Variants in EMP2 observed in about 807,000 individuals in gnomAD.
The protein encoded by EMP2 is epithelial membrane protein 2.
In EMP2, 19 loss-of-function variants were observed where a neutral mutation model predicts 13.7. That is an observed-to-expected ratio of 1.38 (90% CI 0.97 to 2.03). The LOEUF (loss-of-function observed/expected upper bound fraction) is 2.03. Among genes scored for constraint, EMP2 ranks in the 30% most tolerant of loss-of-function variants. EMP2 has a pLI of 0.00. For synonymous variants in EMP2, 97 were observed against 84.7 expected, an observed-to-expected ratio of 1.15 and a Z score of -0.80; for missense variants, 253 against 220.7, an observed-to-expected ratio of 1.15 and a Z score of -0.93.
chr16:10,577,086 A>G (rs1411390263), intron 1 of EMP2, among the ~76,000 whole-genome samples: 1 of 152,114 alleles, frequency 6.6e-6, no homozygotes, highest in Non-Finnish European at 1.5e-5. Flanking sequence ...AACTCCCCTC[A>G]GCTGTGGCCT....
chr16:10,533,598 C>T (rs1486135911), intron 4 of EMP2, among the ~76,000 whole-genome samples: 1 of 152,158 alleles, frequency 6.6e-6, no homozygotes, highest in African/African-American at 2.4e-5. Flanking sequence ...TCACACAAGT[C>T]TGCCACAGTA....
At chr16:10,536,764 G>A (rs2050650067) in intron 4 of EMP2, among the ~76,000 whole-genome samples, 1 of 152,146 alleles carries the variant, frequency 6.6e-6, no homozygotes, top group African/African-American at 2.4e-5. Context: ...GGGACTACAG[G>A]TGTGCTCTGC....
chr16:10,551,687 G>A (rs533936377), intron 1 of EMP2, among the ~76,000 whole-genome samples: 3 of 152,276 alleles, frequency 2.0e-5, no homozygotes, highest in East Asian at 3.9e-4. Context: ...GATTACAGAC[G>A]TGAGCCACCA....
chr16:10,561,470 A>G (rs966068439), intron 1 of EMP2, among the ~76,000 whole-genome samples: 1 of 152,126 alleles, frequency 6.6e-6, no homozygotes, highest in African/African-American at 2.4e-5. Context: ...AGGCCAGGGA[A>G]GGAGACGGAG....
At chr16:10,575,893 T>G (rs1035637639) in intron 1 of EMP2, among the ~76,000 whole-genome samples, 6 of 151,902 alleles carry the variant, frequency 3.9e-5, no homozygotes, top group Non-Finnish European at 7.4e-5. Context: ...AGGGGCCTCT[T>G]TGCAAAAGAA....
At chr16:10,560,605 G>C (rs2050864166) in intron 1 of EMP2, among the ~76,000 whole-genome samples, 1 of 152,196 alleles carries the variant, frequency 6.6e-6, no homozygotes, top group Non-Finnish European at 1.5e-5. Flanking sequence ...GTGTGCCCTG[G>C]GGCTGCCGGG....
intron 4 of EMP2, among the ~76,000 whole-genome samples, chr16:10,537,128 C>G (rs986338355): frequency 2.6e-5 from 4 of 152,174 alleles, no homozygotes; most frequent in Non-Finnish European, 5.9e-5. Context: ...TCAAGCCACT[C>G]GTCAACTCCT....
chr16:10,547,672 G>C lies in EMP2; in HGVS notation c.-55C>G, dbSNP rs752684541. 1.5e-4 allele frequency: 242 copies of C among 1,570,652 alleles called. No homozygotes were observed. The highest frequency in any genetic ancestry group is 2.1e-4 in the Non-Finnish European group (237 of 1,142,412). On this transcript the variant is annotated 5_prime_UTR_variant, in exon 2 of 5. The change creates a new upstream start codon in the 5' untranslated region. Transcript: ENST00000359543. ...GGGTCACGTTTAAAGCCCAGAGCGGGATGTGCTGAAGAGGGTAAGAAAGAG... is the reference window on the plus strand; with the variant it reads ...GGGTCACGTTTAAAGCCCAGAGCGGCATGTGCTGAAGAGGGTAAGAAAGAG...
chr16:10,563,202 A>C (rs59390415), intron 1 of EMP2, among the ~76,000 whole-genome samples: 1 of 151,614 alleles, frequency 6.6e-6, no homozygotes, highest in African/African-American at 2.4e-5. Flanking sequence ...TATTATTATT[A>C]TTATTTTGAG....
chr16:10,543,484 A>G, intron 3 of EMP2, 86 bp downstream of exon 3: 1 of 1,432,610 alleles, frequency 7.0e-7, no homozygotes, highest in Non-Finnish European at 9.8e-7. Flanking sequence ...AGGAGAGGGT[A>G]CGGAGTCGGG....
At chr16:10,552,943 T>A (rs1596375582) in intron 1 of EMP2, among the ~76,000 whole-genome samples, 1 of 152,154 alleles carries the variant, frequency 6.6e-6, no homozygotes, top group Non-Finnish European at 1.5e-5. Flanking sequence ...GTAAAGGAAA[T>A]GGCAGTTAGA....
intron 4 of EMP2, among the ~76,000 whole-genome samples, chr16:10,536,680 C>A (rs1230356710): frequency 2.0e-5 from 3 of 152,186 alleles, no homozygotes; most frequent in African/African-American, 4.8e-5. Flanking sequence ...ACAAGTGGTA[C>A]AGCACCCCAC....
Position 10,577,224 on chromosome 16 carries a change from A to T in EMP2, c.-61+3325T>A, listed in dbSNP as rs140137386. On this transcript the variant is annotated intron_variant, in intron 1 of 4. Transcript: ENST00000359543. ...GGTCCTTATGCCCTGAAATTCTCCA[A>T]TCTTAGCCCAGGGCTGTCCCGAATG... Among the ~76,000 whole-genome samples the T allele has an allele frequency of 6.1e-4, 93 of 152,146 alleles. 3 individuals carry two copies. Among genetic ancestry groups the T allele is most frequent in the Admixed American group, 4.1e-3 (63 of 15,280 alleles).
chr16:10,571,363 G>C (rs2050946253), intron 1 of EMP2, among the ~76,000 whole-genome samples: 1 of 150,472 alleles, frequency 6.6e-6, no homozygotes, highest in African/African-American at 2.4e-5. Context: ...GAAGGGGTTA[G>C]ACCAGTACGT....
intron 1 of EMP2, among the ~76,000 whole-genome samples, chr16:10,564,676 G>T (rs1310220287): frequency 6.6e-6 from 1 of 151,926 alleles, no homozygotes; most frequent in Non-Finnish European, 1.5e-5. Context: ...CAGAAAGCCA[G>T]TGTTCTCTCC....
intron 2 of EMP2, chr16:10,547,052 G>C (rs1021092463): frequency 3.9e-5 from 6 of 152,610 alleles, no homozygotes; most frequent in African/African-American, 1.4e-4. Context: ...GTGTGCCTTC[G>C]CAGGGAGGAC....
Position 10,529,503 on chromosome 16 carries a change from G to C in EMP2, c.*3402C>G, listed in dbSNP as rs1292315262. 2 of 152,200 alleles carry C rather than the reference G, an allele frequency of 1.3e-5. No homozygotes were observed. Among genetic ancestry groups the C allele is most frequent in the Non-Finnish European group, 2.9e-5 (2 of 68,032 alleles). The allele number at this position is 152,200 out of a possible 1,614,324, so 9.4% of individuals were successfully genotyped here. A position where few individuals can be genotyped will look rare whatever the true frequency, so the allele number is the denominator to read the frequency against. ...TGGCAACCAGCCGGGAAAATCCATA[G>C]GATCATTTCAGACCGCATTCAACAC... On this transcript the variant is annotated 3_prime_UTR_variant, in exon 5 of 5. Transcript: ENST00000359543.
chr16:10,551,846 A>G (rs1277591251), intron 1 of EMP2, among the ~76,000 whole-genome samples: 1 of 151,836 alleles, frequency 6.6e-6, no homozygotes, highest in African/African-American at 2.4e-5. Flanking sequence ...CATCCCCATT[A>G]TCCCCCCACG....
At position 10,529,931 on chromosome 16, in the gene EMP2, C is replaced by CAA. The variant is rs58318805; in HGVS notation, c.*2972_*2973dup. The CAA allele has an allele frequency of 0.043, 3,248 of 75,236 alleles. 181 individuals are homozygous for CAA. The highest frequency in any genetic ancestry group is 0.13 in the African/African-American group (2,952 of 23,164). 4.7% of individuals were successfully genotyped at this position (75,236 alleles called of 1,614,324 possible). A position where few individuals can be genotyped will look rare whatever the true frequency, so the allele number is the denominator to read the frequency against. On this transcript the variant is annotated 3_prime_UTR_variant, in exon 5 of 5. Coordinates refer to ENST00000359543, the MANE Select transcript of EMP2 (RefSeq NM_001424.6). ...GGGCAACAAGAGCAAAACTCAGTCT[C>CAA]AAAAAAAAAAAAAAAAAAGAAAAAG...
Sources: gnomAD v4.1 joint callset for allele counts (sites outside exome capture counted in the v4.1 genomes callset) on GRCh38, gnomAD v4.1.1 for gene constraint, MANE v1.5 for transcripts, NCBI Gene and HGNC (gene_info 2026-07-23, HGNC 2026-07-21) for gene names.